DIAPH3: variants seen among roughly 807,000 people sequenced by gnomAD.
DIAPH3 encodes the protein protein diaphanous homolog 3.
DIAPH3 carries 117 observed loss-of-function variants against 144.3 expected under a neutral mutation model. The observed-to-expected ratio is 0.81, with a 90% confidence interval of 0.70 to 0.95. DIAPH3 has a LOEUF of 0.95. DIAPH3 is among the 40% of genes least tolerant of loss of function. The pLI, the probability that DIAPH3 is intolerant of heterozygous loss-of-function variation, is 0.00. For missense variants in DIAPH3, 1,421 were observed against 1,412.7 expected (o/e 1.01, Z -0.09); for synonymous variants, 519 against 488.9 (o/e 1.06, Z -0.81).
At chr13:59,791,726 C>T (rs1255895528) in intron 25 of DIAPH3, among the ~76,000 whole-genome samples, 3 of 152,174 alleles carry the variant, frequency 2.0e-5, no homozygotes, top group Non-Finnish European at 4.4e-5. Flanking sequence ...CAGGAGCAGG[C>T]AAGCACAAGC....
chr13:59,895,521 T>C (rs908526086), intron 20 of DIAPH3, among the ~76,000 whole-genome samples: 1 of 150,172 alleles, frequency 6.7e-6, no homozygotes, highest in African/African-American at 2.4e-5. Flanking sequence ...ACGCATATAA[T>C]TTAATACAAA....
chr13:60,158,799 G>A (rs1419432139), intron 1 of DIAPH3, among the ~76,000 whole-genome samples: 1 of 151,586 alleles, frequency 6.6e-6, no homozygotes. Context: ...TCTCTCAGGG[G>A]CTGGAAGAGC....
chr13:59,686,289 T>C (rs1200197092), intron 27 of DIAPH3, among the ~76,000 whole-genome samples: 3 of 152,110 alleles, frequency 2.0e-5, no homozygotes, highest in Non-Finnish European at 4.4e-5. Flanking sequence ...ACAGGCTAGT[T>C]CTAAGCTGTA....
intron 5 of DIAPH3, among the ~76,000 whole-genome samples, chr13:60,036,594 A>G (rs2055244490): frequency 6.6e-6 from 1 of 152,162 alleles, no homozygotes; most frequent in Non-Finnish European, 1.5e-5. Flanking sequence ...GGAAAGGAAA[A>G]AGAGAAAAGA....
At chr13:59,870,021 AGTGTTATATC>A (rs2044159662) in intron 21 of DIAPH3, among the ~76,000 whole-genome samples, 1 of 152,102 alleles carries the variant, frequency 6.6e-6, no homozygotes, top group South Asian at 2.1e-4. Flanking sequence ...TTATACTTTT[AGTGTTATATC>A]TAAAACGTCA....
intron 20 of DIAPH3, among the ~76,000 whole-genome samples, chr13:59,885,302 A>G (rs185979588): frequency 6.6e-6 from 1 of 152,208 alleles, no homozygotes; most frequent in Non-Finnish European, 1.5e-5. Context: ...TCTTAAATTC[A>G]TTCATGCCCG....
In DIAPH3 at chr13:59,967,420, T is replaced by C. The variant is rs552718271; in HGVS notation, c.2074+2524A>G. ...AATTACAAAATTGATTCAAACAAAG[T>C]ATGTTGGACTCAGGGAGATACGTGA... On this transcript the variant is annotated intron_variant, in intron 17 of 27. Transcript: ENST00000400324. Among the ~76,000 whole-genome samples, 4 of 152,026 alleles carry C rather than the reference T, an allele frequency of 2.6e-5. No individual in the cohort carries two copies. In the East Asian group the frequency reaches 7.8e-4, roughly 30 times the overall value.
At position 59,666,829 on chromosome 13, in the gene DIAPH3, A is replaced by C. The variant is rs1196617009; in HGVS notation, c.3337T>G (p.Leu1113Val). 3 of 1,613,988 alleles carry C rather than the reference A, an allele frequency of 1.9e-6. No individual in the cohort carries two copies. The African/African-American group carries it at 4.0e-5, about 22-fold the overall frequency. The change falls in exon 28 of 28, where the codon TTG becomes GTG. Residue 1113 changes from leucine (L) to valine (V), a missense_variant. By Grantham distance (32) the Leu-to-Val change is conservative. Coordinates refer to ENST00000400324, the MANE Select transcript of DIAPH3 (RefSeq NM_001042517.2). The part of the protein sequence containing the change: ...VCNHENQKVQ[L>V]TEGSRSHYNI... ...TAGTGTGAACGTGACCCTTCTGTCA[A>C]CTGCACTTTCTGATTTTCTACAGTA... is the stretch of plus-strand genomic sequence containing the variant.
In DIAPH3 at chr13:59,789,427, T is replaced by C. The variant is rs1180151893; in HGVS notation, c.3164-14604A>G. Among the ~76,000 whole-genome samples the C allele has an allele frequency of 3.2e-4, 48 of 152,284 alleles. 1 individual carries two copies. The highest frequency in any genetic ancestry group is 6.8e-3 in the Middle Eastern group (2 of 294). ...ATTTGTTTTAGATTTGTTTTAGTATTTTATTAGTGAAGAATTGACTTTTCA... is the reference window on the plus strand; with the variant it reads ...ATTTGTTTTAGATTTGTTTTAGTATCTTATTAGTGAAGAATTGACTTTTCA... On this transcript the variant is annotated intron_variant, in intron 25 of 27. Coordinates refer to ENST00000400324, the MANE Select transcript of DIAPH3 (RefSeq NM_001042517.2).
intron 25 of DIAPH3, among the ~76,000 whole-genome samples, chr13:59,783,874 G>C (rs2038885977): frequency 6.6e-6 from 1 of 152,076 alleles, no homozygotes; most frequent in African/African-American, 2.4e-5. Context: ...CTCTCTTAGG[G>C]AGACATTGTG....
chr13:59,693,414 T>C (rs1395851361), intron 27 of DIAPH3, among the ~76,000 whole-genome samples: 1 of 152,230 alleles, frequency 6.6e-6, no homozygotes, highest in Non-Finnish European at 1.5e-5. Context: ...GTTCTTTGTC[T>C]GATTCTGATT....
chr13:60,131,435 C>CAAAAAAAAA (rs777909368), intron 2 of DIAPH3, among the ~76,000 whole-genome samples: 3 of 29,302 alleles, frequency 1.0e-4, no homozygotes, highest in Non-Finnish European at 2.5e-4. Context: ...GACCCTGTCT[C>CAAAAAAAAA]AAAAAAAAAA....
chr13:59,922,648 T>C (rs2047574563), intron 18 of DIAPH3, among the ~76,000 whole-genome samples: 2 of 152,216 alleles, frequency 1.3e-5, no homozygotes. Flanking sequence ...CATAGGCTGC[T>C]AAAGCTTCTT....
intron 17 of DIAPH3, among the ~76,000 whole-genome samples, chr13:59,937,940 C>T (rs1231802164): frequency 2.0e-5 from 3 of 152,048 alleles, no homozygotes; most frequent in Non-Finnish European, 4.4e-5. Context: ...CAACTGAACT[C>T]AACTTTTATT....
chr13:60,068,610 C>T (rs1319577095), intron 4 of DIAPH3, among the ~76,000 whole-genome samples: 1 of 152,136 alleles, frequency 6.6e-6, no homozygotes, highest in Non-Finnish European at 1.5e-5. Context: ...AGGCAATGAG[C>T]ATACTACCTG....
chr13:59,905,490 C>T (rs2046687743), intron 20 of DIAPH3, among the ~76,000 whole-genome samples: 1 of 151,944 alleles, frequency 6.6e-6, no homozygotes, highest in South Asian at 2.1e-4. Flanking sequence ...CATCTCTTCA[C>T]TCTCAATTTA....
intron 17 of DIAPH3, among the ~76,000 whole-genome samples, chr13:59,961,867 A>G (rs2049781507): frequency 6.6e-6 from 1 of 152,204 alleles, no homozygotes; most frequent in African/African-American, 2.4e-5. Flanking sequence ...ACATTTGACT[A>G]GTAAAAAATA....
At chr13:59,722,170 T>C (rs982954084) in intron 27 of DIAPH3, among the ~76,000 whole-genome samples, 1 of 152,178 alleles carries the variant, frequency 6.6e-6, no homozygotes, top group Non-Finnish European at 1.5e-5. Flanking sequence ...AGAATCGGTA[T>C]ACGTCCTCAT....
At chr13:60,019,830 A>G (rs1282518412) in intron 5 of DIAPH3, among the ~76,000 whole-genome samples, 1 of 152,160 alleles carries the variant, frequency 6.6e-6, no homozygotes, top group Non-Finnish European at 1.5e-5. Context: ...AGAGGCAACA[A>G]TCAGGTCTCA....
Sources: allele counts gnomAD v4.1 joint callset (sites outside exome capture counted in the v4.1 genomes callset), GRCh38; gene constraint gnomAD v4.1.1; transcripts MANE v1.5; gene names NCBI Gene and HGNC (gene_info 2026-07-23, HGNC 2026-07-21).